The following FSD1L variants were observed in gnomAD, a reference collection of about 807,000 sequenced individuals.
The protein encoded by FSD1L is FSD1-like protein.
In FSD1L, 45 loss-of-function variants were observed where a neutral mutation model predicts 71.6. That is an observed-to-expected ratio of 0.63 (90% CI 0.49 to 0.81). The LOEUF (loss-of-function observed/expected upper bound fraction) is 0.81, where lower values mean the gene tolerates loss of function less well. Ranked by LOEUF, FSD1L falls within the 30% of genes least tolerant of loss-of-function variation. FSD1L has a pLI of 0.00. For missense variants in FSD1L, 561 were observed against 618.1 expected, an observed-to-expected ratio of 0.91 and a Z score of 0.98; for synonymous variants, 197 against 207.2, an observed-to-expected ratio of 0.95 and a Z score of 0.42.
At chr9:105,472,978 G>A (rs1052663987) in intron 5 of FSD1L, 2 of 152,146 alleles carry the variant, frequency 1.3e-5, no homozygotes, top group African/African-American at 4.8e-5. Context: ...GGAATTACAA[G>A]GGAAATGTAC....
At chr9:105,446,712 T>C (rs1164936350), upstream of FSD1L, among the ~76,000 whole-genome samples, 3 of 72,996 alleles carry the variant, frequency 4.1e-5, no homozygotes, top group Admixed American at 3.8e-4. Context: ...GCACGTTAAC[T>C]TTTTTTTTTT....
intron 10 of FSD1L, among the ~76,000 whole-genome samples, chr9:105,515,402 A>T (rs1589053345): frequency 6.6e-6 from 1 of 152,208 alleles, no homozygotes; most frequent in South Asian, 2.1e-4. Flanking sequence ...AAGATGGCTA[A>T]ATAGGAACAG....
intron 10 of FSD1L, among the ~76,000 whole-genome samples, chr9:105,529,955 A>G (rs1467906679): frequency 6.6e-6 from 1 of 152,192 alleles, no homozygotes; most frequent in African/African-American, 2.4e-5. Context: ...CGGAACAGCC[A>G]TAGCAAAGGC....
chr9:105,493,437 G>A (rs1475903821), intron 7 of FSD1L, among the ~76,000 whole-genome samples: 3 of 150,598 alleles, frequency 2.0e-5, no homozygotes, highest in African/African-American at 4.9e-5. Flanking sequence ...ACACTGATGG[G>A]TCTTGACTCT....
chr9:105,450,793 T>G (rs1239058885), intron 1 of FSD1L, among the ~76,000 whole-genome samples: 1 of 152,102 alleles, frequency 6.6e-6, no homozygotes, highest in Non-Finnish European at 1.5e-5. Flanking sequence ...AGCCTTGGCC[T>G]CACAAAGCGC....
At chr9:105,534,408 G>T (rs532672502) in intron 10 of FSD1L, 85 bp from the exon 11 acceptor site, 169 of 683,308 alleles carry the variant, frequency 2.5e-4, no homozygotes, top group Non-Finnish European at 2.8e-4. Flanking sequence ...CTTTTCAGAG[G>T]TTCCTTCCAT....
chr9:105,506,792 A>C (rs1312781913), intron 8 of FSD1L, among the ~76,000 whole-genome samples, 184 bp downstream of exon 8: 1 of 150,544 alleles, frequency 6.6e-6, no homozygotes, highest in Non-Finnish European at 1.5e-5. Context: ...TTTTTAAGAC[A>C]GGATCTTGTT....
intron 5 of FSD1L, among the ~76,000 whole-genome samples, chr9:105,475,494 TTCA>T (rs1831736114): frequency 1.3e-5 from 2 of 152,158 alleles, no homozygotes; most frequent in East Asian, 3.8e-4. Context: ...ACTCAGTACT[TTCA>T]TCAAGTAAGC....
At chr9:105,517,107 G>A (rs150325003) in intron 10 of FSD1L, among the ~76,000 whole-genome samples, 166 of 152,254 alleles carry the variant, frequency 1.1e-3, no homozygotes, top group Non-Finnish European at 1.6e-3. Context: ...GAAATAAAGC[G>A]AGAAGACAAG....
intron 10 of FSD1L, chr9:105,525,263 A>G: frequency 6.2e-7 from 1 of 1,606,708 alleles, no homozygotes; most frequent in East Asian, 2.2e-5. Context: ...CCAACTTGGG[A>G]TACAATAAGA....
Position 105,486,738 on chromosome 9 carries a change from T to C in FSD1L, c.586+2236T>C, listed in dbSNP as rs184043549. Among the ~76,000 whole-genome samples the C allele has an allele frequency of 1.4e-3, 208 of 152,278 alleles. 2 individuals carry two copies. Among genetic ancestry groups the C allele is most frequent in the African/African-American group, 4.6e-3 (192 of 41,568 alleles). On this transcript the variant is annotated intron_variant, in intron 7 of 13. Coordinates refer to ENST00000481272, the MANE Select transcript of FSD1L (RefSeq NM_001145313.3). ...CTTAGAGAGGAAAGTTGTCCTTTCCTGCTTATCTGTTTACATATTAAAGTT... is the reference window on the plus strand; with the variant it reads ...CTTAGAGAGGAAAGTTGTCCTTTCCCGCTTATCTGTTTACATATTAAAGTT...
At chr9:105,506,269 G>A (rs1834044110) in intron 7 of FSD1L, 130 bp from the exon 8 acceptor site, 1 of 664,308 alleles carries the variant, frequency 1.5e-6, no homozygotes, top group Non-Finnish European at 2.5e-6. Context: ...TGCTTAATCT[G>A]ATCTACTTTT....
In FSD1L at chr9:105,546,466, A is replaced by G. The variant is rs1290454292; in HGVS notation, c.1576A>G (p.Asn526Asp). 1.9e-6 allele frequency: 3 copies of G among 1,548,238 alleles called. No individual in the cohort carries two copies. ...GMTGSASSLNNVVTQ is the reference protein window; with the variant it reads ...GMTGSASSLNDVVTQ ...GACTGGTTCAGCTAGCAGCCTGAAC[A>G]ATGTTGTTACTCAATAGTGTCTACT... is the stretch of plus-strand genomic sequence containing the variant. The change falls in exon 14 of 14, where the codon AAT (asparagine) becomes GAT (aspartate). Residue 526 changes from asparagine to aspartate, a missense_variant. This residue lies in a region of FSD1L where 98 missense variants were observed against 102.3 expected (regional missense o/e 0.96). Transcript: ENST00000481272.
chr9:105,460,653 G>A (rs550983633), intron 1 of FSD1L, among the ~76,000 whole-genome samples: 2 of 151,490 alleles, frequency 1.3e-5, no homozygotes, highest in South Asian at 2.1e-4. Context: ...GGAGGTATGC[G>A]ATAGTATCAT....
chr9:105,512,639 A>G (rs1834461301), intron 9 of FSD1L, among the ~76,000 whole-genome samples, 168 bp from the exon 10 acceptor site: 1 of 152,158 alleles, frequency 6.6e-6, no homozygotes, highest in Non-Finnish European at 1.5e-5. Context: ...ATTATAAATT[A>G]TAGCCTGATT....
intron 5 of FSD1L, among the ~76,000 whole-genome samples, chr9:105,477,274 CA>C (rs201343203): frequency 2.1e-4 from 32 of 149,266 alleles, no homozygotes; most frequent in African/African-American, 3.4e-4. Flanking sequence ...GGAAATAAGA[CA>C]AAAAAAAACT....
chr9:105,481,176 T>TGTGTGTGTGTGTGTGTGTGTGTGG (rs1454412244), intron 6 of FSD1L, among the ~76,000 whole-genome samples: 14 of 123,194 alleles, frequency 1.1e-4, no homozygotes, highest in South Asian at 2.7e-4. Flanking sequence ...TGTGTGTGTG[T>TGTGTGTGTGTGTGTGTGTGTGTGG]GTGGTTCTTT....
At chr9:105,520,106 C>T (rs1835038127) in intron 10 of FSD1L, 2 of 1,589,094 alleles carry the variant, frequency 1.3e-6, no homozygotes, top group Non-Finnish European at 1.7e-6. Flanking sequence ...GTGGCAGTGG[C>T]AGTGGCAGTG....
At chr9:105,527,859 C>T (rs146809662) in intron 10 of FSD1L, among the ~76,000 whole-genome samples, 2 of 152,276 alleles carry the variant, frequency 1.3e-5, no homozygotes, top group Non-Finnish European at 2.9e-5. Flanking sequence ...CAAATTGTCT[C>T]TGTTTGCAGA....
Sources: allele counts gnomAD v4.1 joint callset (sites outside exome capture counted in the v4.1 genomes callset), GRCh38; gene constraint gnomAD v4.1.1; regional missense constraint gnomAD v4.1.1; transcripts MANE v1.5; gene names NCBI Gene and HGNC (gene_info 2026-07-23, HGNC 2026-07-21).